Variants in GNAQ observed in about 807,000 individuals in gnomAD.
GNAQ encodes the protein guanine nucleotide-binding protein G(q) subunit alpha.
In GNAQ, 8 loss-of-function variants were observed where a neutral mutation model predicts 43.9. The ratio of observed to expected loss-of-function variants is 0.18; its 90% confidence interval spans 0.11 to 0.33. GNAQ has a LOEUF of 0.33. Among genes scored for constraint, GNAQ ranks in the 10% least tolerant of loss-of-function variants. The probability of loss-of-function intolerance (pLI) is 1.00; values close to 1 mark genes in which losing one functional copy is unlikely to be tolerated. For synonymous variants in GNAQ, 155 were observed against 170.7 expected, an observed-to-expected ratio of 0.91 and a Z score of 0.71; for missense variants, 158 against 450.8, an observed-to-expected ratio of 0.35 and a Z score of 5.88.
At chr9:77,800,003 G>A (rs886533448) in intron 3 of GNAQ, among the ~76,000 whole-genome samples, 29 of 152,188 alleles carry the variant, frequency 1.9e-4, no homozygotes, top group Non-Finnish European at 3.7e-4. Flanking sequence ...CCATGATCAC[G>A]GAGTCCTCTG....
chr9:77,751,506 G>A (rs977034239), intron 5 of GNAQ, among the ~76,000 whole-genome samples: 1 of 152,134 alleles, frequency 6.6e-6, no homozygotes, highest in Admixed American at 6.6e-5. Flanking sequence ...ACTTCAGAAA[G>A]CCCAGTAGAG....
intron 2 of GNAQ, among the ~76,000 whole-genome samples, chr9:77,872,631 A>G (rs1038273014): frequency 6.6e-5 from 10 of 152,236 alleles, no homozygotes; most frequent in African/African-American, 2.2e-4. Context: ...TTGACCATGA[A>G]TGTGTGTGAC....
At chr9:77,900,307 T>C (rs919615852) in intron 2 of GNAQ, among the ~76,000 whole-genome samples, 2 of 152,172 alleles carry the variant, frequency 1.3e-5, no homozygotes, top group African/African-American at 2.4e-5. Flanking sequence ...CTTCTGTCAC[T>C]CCATCAGGAG....
At chr9:77,792,237 T>C (rs1468258440) in intron 5 of GNAQ, among the ~76,000 whole-genome samples, 1 of 152,142 alleles carries the variant, frequency 6.6e-6, no homozygotes, top group Non-Finnish European at 1.5e-5. Flanking sequence ...TAGAATTACC[T>C]AGACTTTCAA....
chr9:77,835,927 A>G (rs904416670), intron 2 of GNAQ, among the ~76,000 whole-genome samples: 1 of 152,194 alleles, frequency 6.6e-6, no homozygotes, highest in Non-Finnish European at 1.5e-5. Flanking sequence ...ATTCTAGGTT[A>G]TTGGTACAGT....
Position 77,716,552 on chromosome 9 carries a change from A to C in GNAQ, c.*4771T>G, listed in dbSNP as rs924715981. 4.3e-6 allele frequency: 1 copy of C among 232,732 alleles called. No individual in the cohort carries two copies. The highest frequency in any genetic ancestry group is 2.2e-5 in the African/African-American group (1 of 45,326). 14.4% of individuals were successfully genotyped at this position (232,732 alleles called of 1,614,324 possible). A position where few individuals can be genotyped will look rare whatever the true frequency, so the allele number is the denominator to read the frequency against. Reference sequence around the variant, plus strand: ...GCATTTAGAGAGTTCTTTGAGGAAAAGAAATCCACCAAAAACGTGTTTCAG... The same window carrying C: ...GCATTTAGAGAGTTCTTTGAGGAAACGAAATCCACCAAAAACGTGTTTCAG... On this transcript the variant is annotated 3_prime_UTR_variant, in exon 7 of 7. Transcript: ENST00000286548.
At chr9:77,869,001 A>G (rs1827994015) in intron 2 of GNAQ, among the ~76,000 whole-genome samples, 1 of 151,992 alleles carries the variant, frequency 6.6e-6, no homozygotes, top group South Asian at 2.1e-4. Flanking sequence ...GGGAGGGGGG[A>G]AGAAATATAA....
At chr9:77,870,470 CGCCTGCCA>C (rs1828019242) in intron 2 of GNAQ, among the ~76,000 whole-genome samples, 4 of 151,644 alleles carry the variant, frequency 2.6e-5, no homozygotes, top group Non-Finnish European at 4.4e-5. Flanking sequence ...GGACTACAGG[CGCCTGCCA>C]AGGCGCCCTG....
At chr9:77,998,535 T>A (rs1220322936) in intron 1 of GNAQ, among the ~76,000 whole-genome samples, 1 of 152,218 alleles carries the variant, frequency 6.6e-6, no homozygotes, top group Non-Finnish European at 1.5e-5. Flanking sequence ...AACAGCTGAA[T>A]CTGATTTTAT....
At chr9:77,922,794 TAAGA>T (rs1829017270) in intron 1 of GNAQ, among the ~76,000 whole-genome samples, 1 of 152,064 alleles carries the variant, frequency 6.6e-6, no homozygotes, top group Non-Finnish European at 1.5e-5. Context: ...CAGACAGAGA[TAAGA>T]AAAAAAGGTC....
At chr9:77,840,807 G>T (rs575566136) in intron 2 of GNAQ, among the ~76,000 whole-genome samples, 1 of 152,282 alleles carries the variant, frequency 6.6e-6, no homozygotes, top group African/African-American at 2.4e-5. Context: ...AGAAGATGAT[G>T]ATTTGGGCAT....
At chr9:77,756,619 G>T (rs1236299983) in intron 5 of GNAQ, among the ~76,000 whole-genome samples, 4 of 152,202 alleles carry the variant, frequency 2.6e-5, no homozygotes, top group African/African-American at 4.8e-5. Context: ...GCCATGAGGG[G>T]CAGAGTTGCT....
intron 5 of GNAQ, among the ~76,000 whole-genome samples, chr9:77,729,553 G>A (rs1360589822): frequency 6.6e-6 from 1 of 151,638 alleles, no homozygotes; most frequent in African/African-American, 2.4e-5. Context: ...AGCTTCTTTC[G>A]TCTCTCCTTA....
intron 2 of GNAQ, among the ~76,000 whole-genome samples, chr9:77,892,668 G>A (rs1003121428): frequency 6.6e-6 from 1 of 152,104 alleles, no homozygotes; most frequent in African/African-American, 2.4e-5. Context: ...AACATGACCT[G>A]GGCTTTATTC....
At chr9:77,946,262 A>C (rs1327619280) in intron 1 of GNAQ, among the ~76,000 whole-genome samples, 1 of 152,218 alleles carries the variant, frequency 6.6e-6, no homozygotes, top group African/African-American at 2.4e-5. Flanking sequence ...TTTCTTGGTG[A>C]GTAAAATATC....
chr9:77,729,109 A>T (rs528367158), intron 5 of GNAQ, among the ~76,000 whole-genome samples: 1 of 152,226 alleles, frequency 6.6e-6, no homozygotes, highest in Non-Finnish European at 1.5e-5. Flanking sequence ...TATTCTAAGC[A>T]ATCAAAACAG....
At chr9:77,988,178 A>G (rs1243636158) in intron 1 of GNAQ, among the ~76,000 whole-genome samples, 1 of 152,238 alleles carries the variant, frequency 6.6e-6, no homozygotes, top group African/African-American at 2.4e-5. Context: ...GAATGGAAGG[A>G]AACAGTAAGA....
At chr9:77,902,240 G>A (rs1322359366) in intron 2 of GNAQ, among the ~76,000 whole-genome samples, 1 of 152,290 alleles carries the variant, frequency 6.6e-6, no homozygotes, top group East Asian at 1.9e-4. Flanking sequence ...AAATATATTT[G>A]TAAGGAGTAT....
At chr9:77,788,548 T>C (rs1826519617) in intron 5 of GNAQ, among the ~76,000 whole-genome samples, 1 of 152,324 alleles carries the variant, frequency 6.6e-6, no homozygotes, top group African/African-American at 2.4e-5. Flanking sequence ...CAGTGGCTTC[T>C]GGGGAAGGAG....
Sources: gnomAD v4.1 joint callset for allele counts (sites outside exome capture counted in the v4.1 genomes callset) on GRCh38, gnomAD v4.1.1 for gene constraint, MANE v1.5 for transcripts, NCBI Gene and HGNC (gene_info 2026-07-23, HGNC 2026-07-21) for gene names.